Variants in UTRN observed in about 807,000 individuals in gnomAD.
UTRN encodes utrophin, also known as dystrophin-related protein 1.
In UTRN, 283 loss-of-function variants were observed where a neutral mutation model predicts 463.9. That is an observed-to-expected ratio of 0.61 (90% CI 0.55 to 0.67). The LOEUF (loss-of-function observed/expected upper bound fraction) is 0.67. Among genes scored for constraint, UTRN ranks in the 30% least tolerant of loss-of-function variants. The pLI is 0.00. For synonymous variants in UTRN, 1,442 were observed against 1,431.5 expected (o/e 1.01, Z -0.17); for missense variants, 3,922 against 4,084.3 (o/e 0.96, Z 1.08).
intron 23 of UTRN, among the ~76,000 whole-genome samples, chr6:144,467,343 C>G (rs922271653): frequency 2.0e-5 from 3 of 152,216 alleles, no homozygotes; most frequent in Non-Finnish European, 4.4e-5. Context: ...TCACAATGAC[C>G]CATCTCAGGC....
At chr6:144,715,916 G>A (rs370823025) in intron 53 of UTRN, among the ~76,000 whole-genome samples, 4 of 151,354 alleles carry the variant, frequency 2.6e-5, no homozygotes, top group South Asian at 2.1e-4. Context: ...ATTCATTTGC[G>A]TTCTAAAGAA....
At chr6:144,706,803 G>T (rs1375625824) in intron 53 of UTRN, 1 of 151,698 alleles carries the variant, frequency 6.6e-6, no homozygotes, top group Non-Finnish European at 1.5e-5. Flanking sequence ...TTTTCCCATT[G>T]CATGCATCAA....
At chr6:144,517,474 A>C (rs1795726276) in intron 39 of UTRN, among the ~76,000 whole-genome samples, 1 of 152,062 alleles carries the variant, frequency 6.6e-6, no homozygotes, top group South Asian at 2.1e-4. Context: ...CTAGGACTAC[A>C]GGTGTGTGGG....
Position 144,836,455 on chromosome 6 carries a change from C to T in UTRN, c.9979C>T (p.Arg3327Trp), listed in dbSNP as rs546725238. 1.9e-5 allele frequency: 30 copies of T among 1,613,634 alleles called. No homozygotes were observed. Among genetic ancestry groups the T allele is most frequent in the South Asian group, 5.5e-5 (5 of 91,048 alleles). ...EAKLLRQHKG[R>W]LEARMQILED... The stretch of plus-strand genomic sequence containing the variant: ...AAAACTCCTCAGGCAGCACAAAGGT[C>T]GGCTGGAGGCTAGGATGCAGATTTT... Residue 3327 changes from arginine to tryptophan, a missense_variant, in exon 71 of 75, where the codon CGG (arginine) becomes TGG (tryptophan). Around this residue, in one of 3 missense-constraint regions of UTRN, gnomAD observed 1,309 missense variants for 1,452.6 expected, o/e 0.90. Transcript: ENST00000367545.
chr6:144,288,579 T>G (rs1360139325), intron 1 of UTRN, among the ~76,000 whole-genome samples: 2 of 152,152 alleles, frequency 1.3e-5, no homozygotes, highest in Non-Finnish European at 2.9e-5. Context: ...AAAATACACT[T>G]AAGAATTTAG....
In UTRN at chr6:144,348,545, G is replaced by A. The variant is rs568982409; in HGVS notation, c.80-54578G>A. On this transcript the variant is annotated intron_variant, in intron 2 of 74. Coordinates refer to ENST00000367545, the MANE Select transcript of UTRN (RefSeq NM_007124.3). ...ATCTTAATAATTATAGAGAAAATGA[G>A]TAGGTGGTTAGGAAGACCAGGTAAC... 3.9e-3 allele frequency among the ~76,000 whole-genome samples: 589 copies of A among 152,330 alleles called. 5 individuals carry two copies. The highest frequency in any genetic ancestry group is 0.01 in the Middle Eastern group (3 of 294).
intron 51 of UTRN, among the ~76,000 whole-genome samples, chr6:144,666,866 G>A (rs1017910945): frequency 5.9e-5 from 9 of 152,148 alleles, no homozygotes; most frequent in Non-Finnish European, 8.8e-5. Flanking sequence ...CCCATTCGTC[G>A]TGGTAGCTGG....
chr6:144,820,823 A>G lies in UTRN; in HGVS notation c.9358-59A>G, dbSNP rs1047378105. 1.4e-5 allele frequency: 22 copies of G among 1,559,558 alleles called. No individual in the cohort carries two copies. The African/African-American group carries it at 1.9e-4, about 14-fold the overall frequency. Reference sequence around the variant, plus strand: ...AATTTACATCGGCTCTGATTTTGTTATAGATAGTTATTGCCTTCCATTTTA... The same window carrying G: ...AATTTACATCGGCTCTGATTTTGTTGTAGATAGTTATTGCCTTCCATTTTA... On this transcript the variant is annotated intron_variant, in intron 65 of 74. Transcript: ENST00000367545.
At position 144,438,783 on chromosome 6, in the gene UTRN, TGCA is replaced by T. The variant is rs1786836596; in HGVS notation, c.1286_1288del (p.Gln429del). 2 of 1,614,084 alleles carry T rather than the reference TGCA, an allele frequency of 1.2e-6. No individual in the cohort carries two copies. Among genetic ancestry groups the T allele is most frequent in the African/African-American group, 2.7e-5 (2 of 74,928 alleles). ...CTGATGGAACTGCAGAAGAAGCAAC[TGCA>T]GCAGCTCTCCGCCTGGTTAACACTC... On this transcript the variant is annotated inframe_deletion, in exon 12 of 75. Coordinates refer to ENST00000367545, the MANE Select transcript of UTRN (RefSeq NM_007124.3).
chr6:144,695,635 G>T (rs1041029804), intron 52 of UTRN, among the ~76,000 whole-genome samples: 1 of 152,166 alleles, frequency 6.6e-6, no homozygotes, highest in Non-Finnish European at 1.5e-5. Context: ...GAGCCACTGC[G>T]CTCAGCCTAA....
At chr6:144,579,674 C>A (rs1430213645) in intron 51 of UTRN, among the ~76,000 whole-genome samples, 1 of 152,106 alleles carries the variant, frequency 6.6e-6, no homozygotes, top group Non-Finnish European at 1.5e-5. Flanking sequence ...TTACTTATGG[C>A]AAACAGCATC....
rs376115630 is a variant in UTRN at position 144,839,288 on chromosome 6, G to A, written c.10177+4G>A. Reference sequence around the variant, plus strand: ...GGCCCACAGTTCCACCAGGCAGGTCGGTGTCCCCAGCACACAGCTCCTCTG... The same window carrying A: ...GGCCCACAGTTCCACCAGGCAGGTCAGTGTCCCCAGCACACAGCTCCTCTG... On this transcript the variant is annotated splice_donor_region_variant and intron_variant, in intron 72 of 74. Transcript: ENST00000367545. The A allele has an allele frequency of 3.7e-6, 6 of 1,610,722 alleles. No homozygotes were observed. The highest frequency in any genetic ancestry group is 1.6e-4 in the Middle Eastern group (1 of 6,080).
intron 7 of UTRN, among the ~76,000 whole-genome samples, chr6:144,427,528 C>T (rs567078233): frequency 1.3e-5 from 2 of 151,972 alleles, no homozygotes; most frequent in South Asian, 4.2e-4. Context: ...CTTTTTTGTT[C>T]TCTATTGTGC....
At chr6:144,512,707 A>G (rs1795282201) in intron 35 of UTRN, among the ~76,000 whole-genome samples, 1 of 151,752 alleles carries the variant, frequency 6.6e-6, no homozygotes, top group Non-Finnish European at 1.5e-5. Context: ...CACCCGGCTA[A>G]TTTTTTTATT....
In UTRN at chr6:144,493,459, G is replaced by C. The variant is rs1198827486; in HGVS notation, c.4593+3G>C. ...TTTACAATGACCTGGGCGCACAGGTGAGGAGAGCAGCCCCACAGCTCATCT... is the reference window on the plus strand; with the variant it reads ...TTTACAATGACCTGGGCGCACAGGTCAGGAGAGCAGCCCCACAGCTCATCT... On this transcript the variant is annotated splice_donor_region_variant and intron_variant, in intron 33 of 74. Coordinates refer to ENST00000367545, the MANE Select transcript of UTRN (RefSeq NM_007124.3). 1.9e-6 allele frequency: 3 copies of C among 1,613,072 alleles called. No individual in the cohort carries two copies. The highest frequency in any genetic ancestry group is 1.7e-6 in the Non-Finnish European group (2 of 1,179,356).
At chr6:144,670,928 G>A (rs187770152) in intron 51 of UTRN, among the ~76,000 whole-genome samples, 41 of 152,078 alleles carry the variant, frequency 2.7e-4, no homozygotes, top group African/African-American at 6.7e-4. Context: ...TTGCTTTGTC[G>A]AAAATCAGTT....
chr6:144,711,336 A>AAAC (rs1562801044), intron 53 of UTRN, among the ~76,000 whole-genome samples: 9 of 149,832 alleles, frequency 6.0e-5, no homozygotes, highest in Non-Finnish European at 1.3e-4. Context: ...AACAAACAAA[A>AAAC]AAAAAAAAGC....
intron 51 of UTRN, among the ~76,000 whole-genome samples, chr6:144,672,772 TTG>T (rs1209192886): frequency 6.6e-6 from 1 of 152,136 alleles, no homozygotes; most frequent in African/African-American, 2.4e-5. Context: ...CCTTGTCTGT[TTG>T]TGCTCTTTCA....
intron 2 of UTRN, among the ~76,000 whole-genome samples, chr6:144,359,871 G>A (rs1054015124): frequency 2.0e-5 from 3 of 151,864 alleles, no homozygotes; most frequent in Admixed American, 1.3e-4. Context: ...GGATTATTGT[G>A]TTTTTCCCAG....
Sources: gnomAD v4.1 joint callset for allele counts (sites outside exome capture counted in the v4.1 genomes callset) on GRCh38, gnomAD v4.1.1 for gene constraint, gnomAD v4.1.1 regional missense constraint, MANE v1.5 for transcripts, NCBI Gene and HGNC (gene_info 2026-07-23, HGNC 2026-07-21) for gene names.